Variants in SDK2 observed in about 807,000 individuals in gnomAD.
The protein encoded by SDK2 is protein sidekick-2.
In SDK2, 105 loss-of-function variants were observed where a neutral mutation model predicts 253.9. The observed-to-expected ratio is 0.41, with a 90% confidence interval of 0.35 to 0.49. The LOEUF is 0.49. SDK2 is among the 20% of genes least tolerant of loss of function. SDK2 has a pLI of 0.06. For missense variants in SDK2, 2,608 were observed against 3,003.0 expected, an observed-to-expected ratio of 0.87 and a Z score of 3.07; for synonymous variants, 1,249 against 1,234.9, an observed-to-expected ratio of 1.01 and a Z score of -0.24.
At chr17:73,355,635 C>T (rs12603856) in intron 40 of SDK2, among the ~76,000 whole-genome samples, 31 of 152,128 alleles carry the variant, frequency 2.0e-4, no homozygotes, top group African/African-American at 5.5e-4. Flanking sequence ...CGTGAGCCAC[C>T]GTGCCTGACC....
chr17:73,419,752 C>T (rs1188142643), intron 15 of SDK2, among the ~76,000 whole-genome samples: 2 of 145,850 alleles, frequency 1.4e-5, no homozygotes, highest in Non-Finnish European at 3.0e-5. Context: ...CTCCTGGTGA[C>T]TTGCACCTGT....
At position 73,361,601 on chromosome 17, in the gene SDK2, C is replaced by T. The variant is rs1352343578; in HGVS notation, c.5467+83G>A. ...TCCACTCTGTTTCCAGGGTCCAGCACAGCTCTTGACACCGGGGGCCCCTTC... is the reference window on the plus strand; with the variant it reads ...TCCACTCTGTTTCCAGGGTCCAGCATAGCTCTTGACACCGGGGGCCCCTTC... On this transcript the variant is annotated intron_variant, in intron 39 of 44. Transcript: ENST00000392650. This position sits in a 1 kb window ranked among gnomAD's most constrained non-coding sequence, Gnocchi z 4.1. 3.5e-6 allele frequency: 5 copies of T among 1,424,384 alleles called. No homozygotes were observed. Among genetic ancestry groups the T allele is most frequent in the Non-Finnish European group, 4.9e-6 (5 of 1,028,694 alleles). 88.2% of individuals were successfully genotyped at this position (1,424,384 alleles called of 1,614,324 possible). A position where few individuals can be genotyped will look rare whatever the true frequency, so the allele number is the denominator to read the frequency against.
chr17:73,626,294 G>A (rs2046200369), intron 1 of SDK2, among the ~76,000 whole-genome samples: 2 of 152,160 alleles, frequency 1.3e-5, no homozygotes, highest in South Asian at 2.1e-4. Flanking sequence ...GCCGGGGCTC[G>A]GGAGGGGGAG....
At chr17:73,575,075 T>C (rs1406913726) in intron 1 of SDK2, among the ~76,000 whole-genome samples, 1 of 152,220 alleles carries the variant, frequency 6.6e-6, no homozygotes, top group Non-Finnish European at 1.5e-5. Context: ...GGCTGGGCTC[T>C]GCCTGGGTTT....
intron 5 of SDK2, among the ~76,000 whole-genome samples, chr17:73,442,371 T>C (rs1198323675): frequency 1.3e-5 from 2 of 151,744 alleles, no homozygotes; most frequent in Non-Finnish European, 2.9e-5. Context: ...GGACGGAGTC[T>C]GGCTCTGTTG....
Position 73,571,358 on chromosome 17 carries a change from A to G in SDK2, c.65-63761T>C, listed in dbSNP as rs958732153. On this transcript the variant is annotated intron_variant, in intron 1 of 44. Coordinates refer to ENST00000392650, the MANE Select transcript of SDK2 (RefSeq NM_001144952.2). ...CCTGCCTCACTGAGGCACCAGGGCG[A>G]AGACACTGATATTCAGTACTAGCAA... Among the ~76,000 whole-genome samples, 5 of 152,122 alleles carry G rather than the reference A, an allele frequency of 3.3e-5. No homozygotes were observed. The East Asian group carries it at 9.7e-4, about 29-fold the overall frequency.
rs1348884041 is a variant in SDK2, at chr17:73,438,116, C to T, written c.764G>A (p.Gly255Glu). ...IKLHIIWKKD[G>E]VLLSGGISDH... ...ACTGATGCCGCCCGACAGCAATACC[C>T]CGTCCTTCTTCCAAATGATATGTAG... is the stretch of plus-strand genomic sequence containing the variant. The change falls in exon 7 of 45, where the codon GGG becomes GAG. Residue 255 changes from glycine to glutamate, a missense_variant. Physicochemically the swap from Gly to Glu is moderately conservative, Grantham distance 98. Coordinates refer to ENST00000392650, the MANE Select transcript of SDK2 (RefSeq NM_001144952.2). 6.4e-7 allele frequency: 1 copy of T among 1,551,670 alleles called. No homozygotes were observed. The highest frequency in any genetic ancestry group is 2.4e-5 in the East Asian group (1 of 40,922).
chr17:73,411,537 G>A (rs1484835691), intron 18 of SDK2, among the ~76,000 whole-genome samples: 5 of 152,080 alleles, frequency 3.3e-5, no homozygotes, highest in East Asian at 1.9e-4. Flanking sequence ...GGGAGTGGAC[G>A]GCATCCTTCC....
chr17:73,600,791 C>A (rs72847610), intron 1 of SDK2, among the ~76,000 whole-genome samples: 20,989 of 152,194 alleles, frequency 0.14, 1,624 homozygotes, highest in South Asian at 0.25. Flanking sequence ...CTCCACTCCC[C>A]ACCGGATACC....
intron 1 of SDK2, among the ~76,000 whole-genome samples, chr17:73,580,483 G>A (rs182081087): frequency 3.3e-4 from 51 of 152,348 alleles, no homozygotes; most frequent in East Asian, 1.7e-3. Context: ...TGGCTTCTCC[G>A]GAACACCGGG....
intron 1 of SDK2, among the ~76,000 whole-genome samples, chr17:73,574,796 CCCAAGTACAACTTAA>C (rs1272102384): frequency 6.6e-6 from 1 of 152,214 alleles, no homozygotes; most frequent in Non-Finnish European, 1.5e-5. Context: ...GTAATAATGA[CCCAAGTACAACTTAA>C]CCAAGAGGGT....
At chr17:73,594,297 C>T (rs963376814) in intron 1 of SDK2, among the ~76,000 whole-genome samples, 5 of 152,114 alleles carry the variant, frequency 3.3e-5, no homozygotes, top group African/African-American at 9.7e-5. Flanking sequence ...GGCCTTCCCC[C>T]GGGCAGCAGC....
chr17:73,427,577 C>G (rs2063292936), intron 12 of SDK2, among the ~76,000 whole-genome samples: 1 of 97,822 alleles, frequency 1.0e-5, no homozygotes. Flanking sequence ...AAAACAAAAA[C>G]AAAGATAAAA....
intron 23 of SDK2, 24 bp downstream of exon 23, chr17:73,398,296 T>C (rs1488813237): frequency 6.2e-7 from 1 of 1,602,466 alleles, no homozygotes; most frequent in South Asian, 1.1e-5. Flanking sequence ...GGCTGCTGCC[T>C]TCTCCCCGGG....
intron 1 of SDK2, among the ~76,000 whole-genome samples, chr17:73,563,452 G>A (rs2045268031): frequency 6.6e-6 from 1 of 152,068 alleles, no homozygotes; most frequent in South Asian, 2.1e-4. Flanking sequence ...GTGGCACACG[G>A]CTGTAGTCCC....
chr17:73,576,476 T>C (rs888408504), intron 1 of SDK2, among the ~76,000 whole-genome samples: 6 of 151,936 alleles, frequency 3.9e-5, no homozygotes, highest in Non-Finnish European at 5.9e-5. Context: ...GAGGCATGGA[T>C]AGAGAGGAAA....
intron 1 of SDK2, among the ~76,000 whole-genome samples, chr17:73,556,545 CG>C (rs1794980239): frequency 6.6e-6 from 1 of 152,204 alleles, no homozygotes; most frequent in South Asian, 2.1e-4. Flanking sequence ...GAGGCATTCA[CG>C]TTTGACCTGC....
chr17:73,494,497 G>A (rs903894319), intron 2 of SDK2, among the ~76,000 whole-genome samples: 4 of 152,200 alleles, frequency 2.6e-5, no homozygotes, highest in Non-Finnish European at 4.4e-5. Flanking sequence ...GACCCGTTAC[G>A]GAGAGTGTGA....
chr17:73,456,553 A>G (rs1382833889), intron 3 of SDK2, among the ~76,000 whole-genome samples: 1 of 152,198 alleles, frequency 6.6e-6, no homozygotes, highest in African/African-American at 2.4e-5. Flanking sequence ...AAGTGTGGGC[A>G]TGCTGAGAGA....
Sources: allele counts gnomAD v4.1 joint callset (sites outside exome capture counted in the v4.1 genomes callset), GRCh38; gene constraint gnomAD v4.1.1; non-coding constraint Gnocchi (gnomAD v3.1); transcripts MANE v1.5; gene names NCBI Gene and HGNC (gene_info 2026-07-23, HGNC 2026-07-21).